MSRA: variants seen among roughly 807,000 people sequenced by gnomAD.
The protein encoded by MSRA is methionine sulfoxide reductase A.
In MSRA, 54 loss-of-function variants were observed where a neutral mutation model predicts 31.3. That is an observed-to-expected ratio of 1.73 (90% CI 1.39 to 2.17). The LOEUF is 2.17. Among genes scored for constraint, MSRA ranks in the 30% most tolerant of loss-of-function variants. MSRA has a pLI of 0.00. For synonymous variants in MSRA, 169 were observed against 116.5 expected (o/e 1.45, Z -2.90); for missense variants, 507 against 300.9 (o/e 1.69, Z -5.07).
At chr8:10,273,147 A>G (rs1305780656) in intron 3 of MSRA, among the ~76,000 whole-genome samples, 1 of 152,188 alleles carries the variant, frequency 6.6e-6, no homozygotes, top group Non-Finnish European at 1.5e-5. Context: ...AGTAGGAACT[A>G]TTTGAATTTT....
chr8:10,301,522 G>A lies in MSRA; in HGVS notation c.332-12G>A, dbSNP rs575340906. 2.5e-6 allele frequency: 4 copies of A among 1,604,504 alleles called. No homozygotes were observed. The highest frequency in any genetic ancestry group is 3.4e-6 in the Non-Finnish European group (4 of 1,176,438). ...TCAGTAAATTTCGGTTGTACGTTTT[G>A]TTTTTTCCAAGAAAAAACTGGCCAT... On this transcript the variant is annotated splice_polypyrimidine_tract_variant and intron_variant, in intron 3 of 5. Transcript: ENST00000317173.
intron 3 of MSRA, among the ~76,000 whole-genome samples, chr8:10,285,637 T>G (rs887752236): frequency 1.3e-5 from 2 of 151,940 alleles, no homozygotes; most frequent in Non-Finnish European, 2.9e-5. Flanking sequence ...AGTCTCTCCC[T>G]ATATCCCCTT....
At position 10,125,813 on chromosome 8, in the gene MSRA, C is replaced by T. The variant is rs562025821; in HGVS notation, c.142+71155C>T. On this transcript the variant is annotated intron_variant, in intron 1 of 5. Transcript: ENST00000317173. ...TATCATTTGTTGATGACCAGAAGTT[C>T]AATCACAGAAATTGATACCAATACC... 2.0e-5 allele frequency among the ~76,000 whole-genome samples: 3 copies of T among 152,340 alleles called. No homozygotes were observed. The South Asian group carries it at 6.2e-4, about 32-fold the overall frequency.
At chr8:10,369,263 A>C (rs562381132) in intron 5 of MSRA, among the ~76,000 whole-genome samples, 2 of 152,058 alleles carry the variant, frequency 1.3e-5, no homozygotes, top group Non-Finnish European at 2.9e-5. Flanking sequence ...AAAAAAAAAA[A>C]ACGAAGAAGA....
At chr8:10,304,299 T>G (rs1801008204) in intron 4 of MSRA, among the ~76,000 whole-genome samples, 1 of 152,252 alleles carries the variant, frequency 6.6e-6, no homozygotes, top group South Asian at 2.1e-4. Context: ...TCTTGGTTAA[T>G]GCACATGGAA....
chr8:10,189,370 C>G (rs547340472), intron 1 of MSRA, among the ~76,000 whole-genome samples: 57 of 152,096 alleles, frequency 3.7e-4, no homozygotes, highest in South Asian at 6.2e-4. Context: ...TGACTAGGAC[C>G]TCACTACAAT....
intron 2 of MSRA, among the ~76,000 whole-genome samples, chr8:10,231,718 C>A (rs1186555498): frequency 6.6e-6 from 1 of 152,090 alleles, no homozygotes; most frequent in East Asian, 1.9e-4. Context: ...GCCTGGTCAA[C>A]ATGGTGAAAC....
intron 1 of MSRA, among the ~76,000 whole-genome samples, chr8:10,145,709 G>A (rs1346327114): frequency 2.0e-5 from 3 of 152,150 alleles, no homozygotes; most frequent in Non-Finnish European, 4.4e-5. Context: ...GGTGCCTCCC[G>A]AATGATGGTG....
chr8:10,145,513 G>A (rs1304510661), intron 1 of MSRA, among the ~76,000 whole-genome samples: 1 of 152,100 alleles, frequency 6.6e-6, no homozygotes, highest in Non-Finnish European at 1.5e-5. Context: ...CTACTGCCCG[G>A]CCCTGCAAGC....
At chr8:10,105,188 C>G (rs1799801549) in intron 1 of MSRA, among the ~76,000 whole-genome samples, 1 of 151,714 alleles carries the variant, frequency 6.6e-6, no homozygotes, top group Admixed American at 6.7e-5. Flanking sequence ...AAGATACCTT[C>G]TCAATCTTTT....
At chr8:10,059,899 G>A (rs1802610863) in intron 1 of MSRA, among the ~76,000 whole-genome samples, 1 of 152,180 alleles carries the variant, frequency 6.6e-6, no homozygotes, top group Non-Finnish European at 1.5e-5. Flanking sequence ...CACTTATAAT[G>A]AGAATGCAAA....
intron 5 of MSRA, among the ~76,000 whole-genome samples, chr8:10,374,973 C>T (rs1489004142): frequency 2.0e-5 from 3 of 152,188 alleles, no homozygotes; most frequent in South Asian, 2.1e-4. Context: ...TCTCACTATG[C>T]GATATGCCTG....
chr8:10,387,366 G>A (rs1199900559), intron 5 of MSRA, among the ~76,000 whole-genome samples: 1 of 151,956 alleles, frequency 6.6e-6, no homozygotes, highest in Non-Finnish European at 1.5e-5. Context: ...GAAATAAACT[G>A]AACAGAAATC....
At chr8:10,265,187 A>C (rs1258642911) in intron 3 of MSRA, among the ~76,000 whole-genome samples, 1 of 152,168 alleles carries the variant, frequency 6.6e-6, no homozygotes, top group Non-Finnish European at 1.5e-5. Flanking sequence ...CCAGATGCTA[A>C]TATGCTCTGC....
At chr8:10,293,898 T>C (rs147120204) in intron 3 of MSRA, among the ~76,000 whole-genome samples, 1 of 152,272 alleles carries the variant, frequency 6.6e-6, no homozygotes, top group Non-Finnish European at 1.5e-5. Context: ...TCACAACCTT[T>C]CCTTAACACT....
chr8:10,222,041 T>C (rs1810557587), intron 2 of MSRA, among the ~76,000 whole-genome samples: 1 of 151,288 alleles, frequency 6.6e-6, no homozygotes, highest in South Asian at 2.1e-4. Flanking sequence ...TTGCACACTA[T>C]AGGAAGTCTA....
chr8:10,221,509 C>G (rs1411303170), intron 2 of MSRA, among the ~76,000 whole-genome samples: 2 of 151,998 alleles, frequency 1.3e-5, no homozygotes, highest in Non-Finnish European at 2.9e-5. Context: ...GAGACATTGA[C>G]TTCCCCAGGG....
chr8:10,367,960 C>T (rs550124687), intron 5 of MSRA, among the ~76,000 whole-genome samples: 2 of 152,266 alleles, frequency 1.3e-5, no homozygotes, highest in East Asian at 3.9e-4. Context: ...CAGGAGGGGA[C>T]TTGTGGGTGA....
intron 1 of MSRA, among the ~76,000 whole-genome samples, chr8:10,088,145 T>C (rs1798665557): frequency 6.6e-6 from 1 of 152,188 alleles, no homozygotes; most frequent in Non-Finnish European, 1.5e-5. Flanking sequence ...TCTGCCACTC[T>C]CAAGAGACTT....
Sources: gnomAD v4.1 joint callset for allele counts (sites outside exome capture counted in the v4.1 genomes callset) on GRCh38, gnomAD v4.1.1 for gene constraint, MANE v1.5 for transcripts, NCBI Gene and HGNC (gene_info 2026-07-23, HGNC 2026-07-21) for gene names.